Variants in CNTN5 observed in about 807,000 individuals in gnomAD.
CNTN5 encodes contactin-5.
In CNTN5, 77 loss-of-function variants were observed where a neutral mutation model predicts 129.1. That is an observed-to-expected ratio of 0.60 (90% CI 0.50 to 0.72). The LOEUF (loss-of-function observed/expected upper bound fraction) is 0.72. Among genes scored for constraint, CNTN5 ranks in the 30% least tolerant of loss-of-function variants. CNTN5 has a pLI of 0.00. For synonymous variants in CNTN5, 509 were observed against 465.6 expected, an observed-to-expected ratio of 1.09 and a Z score of -1.20; for missense variants, 1,478 against 1,328.8, an observed-to-expected ratio of 1.11 and a Z score of -1.75.
intron 1 of CNTN5, among the ~76,000 whole-genome samples, chr11:99,051,947 C>A (rs1216457683): frequency 6.6e-6 from 1 of 151,766 alleles, no homozygotes; most frequent in Non-Finnish European, 1.5e-5. Flanking sequence ...ATAGTTAGCT[C>A]TGACTATTCT....
At chr11:99,121,867 G>T (rs1470539156) in intron 1 of CNTN5, among the ~76,000 whole-genome samples, 1 of 151,906 alleles carries the variant, frequency 6.6e-6, no homozygotes, top group African/African-American at 2.4e-5. Context: ...AAAATAAAGA[G>T]TGATTTTATA....
chr11:99,183,627 C>A (rs1251005249), intron 1 of CNTN5, among the ~76,000 whole-genome samples: 1 of 152,066 alleles, frequency 6.6e-6, no homozygotes, highest in African/African-American at 2.4e-5. Flanking sequence ...CCCTAAAGTG[C>A]TGGTATTCTC....
At chr11:99,182,108 A>C (rs927734351) in intron 1 of CNTN5, among the ~76,000 whole-genome samples, 7 of 152,158 alleles carry the variant, frequency 4.6e-5, no homozygotes, top group African/African-American at 1.7e-4. Flanking sequence ...CCCGCTGATT[A>C]AATAGTCTGT....
At chr11:100,003,019 A>G (rs1385135058) in intron 9 of CNTN5, among the ~76,000 whole-genome samples, 1 of 152,140 alleles carries the variant, frequency 6.6e-6, no homozygotes, top group Non-Finnish European at 1.5e-5. Flanking sequence ...TGTGATTATT[A>G]AAGTAGGTTT....
intron 2 of CNTN5, among the ~76,000 whole-genome samples, chr11:99,542,577 A>C (rs201664741): frequency 1.3e-5 from 2 of 152,200 alleles, no homozygotes; most frequent in African/African-American, 4.8e-5. Flanking sequence ...AATGTTTACT[A>C]GTCTCTCTGG....
At chr11:100,286,384 T>G (rs1228594445) in intron 18 of CNTN5, among the ~76,000 whole-genome samples, 23 of 151,434 alleles carry the variant, frequency 1.5e-4, no homozygotes, top group Non-Finnish European at 2.8e-4. Context: ...GAGCAGTGGT[T>G]CTCCCAGCAC....
intron 1 of CNTN5, among the ~76,000 whole-genome samples, chr11:99,129,334 C>T (rs981716646): frequency 6.6e-6 from 1 of 152,032 alleles, no homozygotes; most frequent in East Asian, 1.9e-4. Flanking sequence ...CTGAATTGAC[C>T]AGGCAGAAGA....
intron 13 of CNTN5, among the ~76,000 whole-genome samples, chr11:100,129,905 T>C (rs1266871963): frequency 6.6e-6 from 1 of 152,080 alleles, no homozygotes; most frequent in African/African-American, 2.4e-5. Flanking sequence ...CTAATGGTTG[T>C]GCTAATCATT....
intron 1 of CNTN5, among the ~76,000 whole-genome samples, chr11:99,304,954 T>C (rs542491470): frequency 1.3e-5 from 2 of 152,340 alleles, no homozygotes; most frequent in South Asian, 2.1e-4. Flanking sequence ...AGGTTACTAA[T>C]AGATATATCT....
At chr11:99,996,627 G>C (rs1315204409) in intron 8 of CNTN5, among the ~76,000 whole-genome samples, 1 of 151,872 alleles carries the variant, frequency 6.6e-6, no homozygotes, top group Admixed American at 6.6e-5. Flanking sequence ...CCTCAAATAT[G>C]CATGTATTAG....
intron 3 of CNTN5, among the ~76,000 whole-genome samples, chr11:99,795,714 G>A (rs1237520848): frequency 2.0e-5 from 3 of 151,774 alleles, no homozygotes; most frequent in African/African-American, 7.3e-5. Flanking sequence ...GTATTAGATG[G>A]ATTCACTCAA....
intron 13 of CNTN5, among the ~76,000 whole-genome samples, chr11:100,146,984 C>T (rs959859984): frequency 5.9e-5 from 9 of 152,098 alleles, no homozygotes; most frequent in African/African-American, 2.2e-4. Context: ...TTTCAGTAAC[C>T]TCCTAAATGA....
Position 99,116,683 on chromosome 11 carries a change from G to C in CNTN5, c.-210+95413G>C, listed in dbSNP as rs145418139. On this transcript the variant is annotated intron_variant, in intron 1 of 24. Transcript: ENST00000524871. ...GGACATGATTCAATTTATGATTTAA[G>C]AGTATTATCTCATCAATGTATAAAA... Among the ~76,000 whole-genome samples the C allele has an allele frequency of 2.0e-4, 30 of 152,292 alleles. No homozygotes were observed. In the East Asian group the frequency reaches 5.6e-3, roughly 28 times the overall value.
chr11:99,309,495 C>T (rs1292231490), intron 1 of CNTN5, among the ~76,000 whole-genome samples: 2 of 152,206 alleles, frequency 1.3e-5, no homozygotes, highest in Non-Finnish European at 1.5e-5. Flanking sequence ...TTTCTGCCTC[C>T]CAGCAGCTGC....
intron 3 of CNTN5, among the ~76,000 whole-genome samples, chr11:99,617,848 A>G (rs1320435075): frequency 6.6e-6 from 1 of 152,188 alleles, no homozygotes; most frequent in Non-Finnish European, 1.5e-5. Context: ...TGCCCTACAC[A>G]TAGTTTTATC....
intron 3 of CNTN5, among the ~76,000 whole-genome samples, chr11:99,776,169 G>T (rs951751263): frequency 1.1e-5 from 1 of 93,324 alleles, no homozygotes; most frequent in African/African-American, 3.7e-5. Context: ...GAAGAGGACC[G>T]TGACTTTATG....
intron 9 of CNTN5, among the ~76,000 whole-genome samples, chr11:100,052,036 C>T (rs1489733183): frequency 6.6e-6 from 1 of 151,766 alleles, no homozygotes; most frequent in African/African-American, 2.4e-5. Context: ...ATAACGTGGC[C>T]AACCAACTTG....
chr11:100,102,234 A>AT (rs1050370236), intron 13 of CNTN5, among the ~76,000 whole-genome samples: 2,528 of 142,888 alleles, frequency 0.018, 76 homozygotes, highest in African/African-American at 0.06. Flanking sequence ...ACTAACGTCT[A>AT]TTTTTTTTTT....
chr11:99,802,161 T>C (rs527966550), intron 3 of CNTN5, among the ~76,000 whole-genome samples: 1 of 152,206 alleles, frequency 6.6e-6, no homozygotes, highest in Non-Finnish European at 1.5e-5. Flanking sequence ...TAGACCTATA[T>C]TTTTCTGTCA....
Sources: gnomAD v4.1 joint callset for allele counts (sites outside exome capture counted in the v4.1 genomes callset) on GRCh38, gnomAD v4.1.1 for gene constraint, MANE v1.5 for transcripts, NCBI Gene and HGNC (gene_info 2026-07-23, HGNC 2026-07-21) for gene names.